ALLC: variants seen among roughly 807,000 people sequenced by gnomAD.
ALLC encodes the protein probable inactive allantoicase.
ALLC carries 40 observed loss-of-function variants against 45.0 expected under a neutral mutation model. The ratio of observed to expected loss-of-function variants is 0.89; its 90% CI spans 0.69 to 1.16. The LOEUF is 1.16. Among genes scored for constraint, ALLC ranks in the 50% most tolerant of loss-of-function variants. The pLI is 0.00. For synonymous variants in ALLC, 176 were observed against 178.1 expected, an observed-to-expected ratio of 0.99 and a Z score of 0.09; for missense variants, 488 against 493.1, an observed-to-expected ratio of 0.99 and a Z score of 0.10.
chr2:3,651,498 A>AG, the ALLC span, among the ~76,000 whole-genome samples: 1 of 150,640 alleles, frequency 6.6e-6, no homozygotes, highest in Non-Finnish European at 1.5e-5. Flanking sequence ...CGGGAGCAGG[A>AG]GGCAGAGGCC....
the ALLC span, among the ~76,000 whole-genome samples, chr2:3,651,345 G>GT: frequency 4.9e-4 from 1 of 2,042 alleles, no homozygotes; most frequent in Non-Finnish European, 1.4e-3. Context: ...GTGTGTGTGT[G>GT]TGTGTGTGTG....
intron 1 of ALLC, among the ~76,000 whole-genome samples, chr2:3,664,884 C>CAA (rs796912123): frequency 8.4e-4 from 108 of 128,738 alleles, no homozygotes; most frequent in African/African-American, 3.0e-3. Flanking sequence ...ACTCTGTCTC[C>CAA]AAAAAAAAAA....
intron 3 of ALLC, among the ~76,000 whole-genome samples, chr2:3,675,540 G>T (rs1386153733): frequency 3.3e-5 from 5 of 152,058 alleles, no homozygotes; most frequent in African/African-American, 1.2e-4. Flanking sequence ...GAAATGGGGT[G>T]GGAGAGAGGG....
chr2:3,679,913 C>T lies in ALLC; in HGVS notation c.217C>T (p.Arg73Trp), dbSNP rs199666164. The change falls in exon 5 of 12, where the codon CGG becomes TGG. Residue 73 changes from arginine to tryptophan, a missense_variant. Transcript: ENST00000252505. ...CAGGCTGGGGATCCAAGGAGTCATC[C>T]GGGGCTTCGACGTGGACGTTTCTTA... ...VLRLGIQGVI[R>W]GFDVDVSYFT... The T allele has an allele frequency of 7.6e-5, 123 of 1,613,826 alleles. No homozygotes were observed. In the African/African-American group the frequency reaches 1.2e-3, roughly 16 times the overall value.
chr2:3,685,796 T>C (rs1307192205), intron 7 of ALLC, among the ~76,000 whole-genome samples: 1 of 151,180 alleles, frequency 6.6e-6, no homozygotes, highest in East Asian at 2.0e-4. Flanking sequence ...TTGAGAAATA[T>C]CTATTCAGAA....
the ALLC span, among the ~76,000 whole-genome samples, chr2:3,648,511 T>G: frequency 2.3e-4 from 35 of 152,312 alleles, no homozygotes; most frequent in Non-Finnish European, 4.6e-4. Context: ...CCACCAGTCC[T>G]GGAGGTGCTG....
In ALLC at chr2:3,695,723, G is replaced by T. The variant is rs1457311514; in HGVS notation, c.518G>T (p.Gly173Val). Residue 173 changes from glycine to valine, a missense_variant, in exon 8 of 12, where the codon GGA becomes GTA. Transcript: ENST00000252505. Reference protein sequence around the residue: ...HIRLNIFPDGGIARLRVFGTG... With the variant: ...HIRLNIFPDGVIARLRVFGTG... ...AGGCACCTTTCCTTTTCAGATGGTG[G>T]AATTGCACGACTTAGAGTATTCGGT... The T allele has an allele frequency of 2.5e-6, 4 of 1,613,958 alleles. No homozygotes were observed. Among genetic ancestry groups the T allele is most frequent in the Non-Finnish European group, 8.5e-7 (1 of 1,179,872 alleles).
chr2:3,680,710 G>C lies in ALLC; in HGVS notation c.298+716G>C, dbSNP rs1667154656. ...TCAGGGCTCACATGCTGTAGGGAAA[G>C]GGTCTGCGTGCTCCAGCGGGACAAC... On this transcript the variant is annotated intron_variant, in intron 5 of 11. Transcript: ENST00000252505. The surrounding 1 kb of genome is among the most constrained non-coding windows in gnomAD (Gnocchi z 4.0). 1.3e-5 allele frequency among the ~76,000 whole-genome samples: 2 copies of C among 152,190 alleles called. No individual in the cohort carries two copies. Among genetic ancestry groups the C allele is most frequent in the African/African-American group, 4.8e-5 (2 of 41,444 alleles).
chr2:3,657,132 G>A (rs1666461661), upstream of ALLC, among the ~76,000 whole-genome samples: 1 of 152,190 alleles, frequency 6.6e-6, no homozygotes, highest in Non-Finnish European at 1.5e-5. Context: ...TGGGCAGACA[G>A]ATGTGTAAAC....
intron 4 of ALLC, among the ~76,000 whole-genome samples, chr2:3,678,812 G>A (rs1667096945): frequency 1.3e-5 from 2 of 152,176 alleles, no homozygotes; most frequent in Admixed American, 6.5e-5. Flanking sequence ...TGAGGTCTGC[G>A]GATGGAAAAA....
rs370770815 is a variant in ALLC, at chr2:3,669,881, G to A, written c.-62-1215G>A. Among the ~76,000 whole-genome samples the A allele has an allele frequency of 1.6e-4, 25 of 152,312 alleles. 1 individual carries two copies. In the East Asian group the frequency reaches 1.7e-3, roughly 11 times the overall value. On this transcript the variant is annotated intron_variant, in intron 1 of 11. Coordinates refer to ENST00000252505, the MANE Select transcript of ALLC (RefSeq NM_018436.4). ...TGTCGGCTTTGAGATTTGATTCAAC[G>A]TCCAAGGGGAGATGTTTTGAGTTGT...
intron 1 of ALLC, among the ~76,000 whole-genome samples, chr2:3,663,462 A>G (rs908545798): frequency 1.3e-5 from 2 of 152,134 alleles, no homozygotes; most frequent in East Asian, 3.8e-4. Flanking sequence ...AAGAATAGCT[A>G]ATGGGTGCTG....
intron 10 of ALLC, among the ~76,000 whole-genome samples, chr2:3,701,297 C>A (rs1667824472): frequency 6.6e-6 from 1 of 152,142 alleles, no homozygotes; most frequent in Non-Finnish European, 1.5e-5. Flanking sequence ...GCTTCTGAGT[C>A]CTCTGAAAAA....
chr2:3,681,710 T>A lies in ALLC; in HGVS notation c.375T>A (p.Ala125=). Residue 125 remains alanine (A), a synonymous_variant, in exon 6 of 12, where the codon GCT becomes GCA. Transcript: ENST00000252505. The part of the protein sequence containing the change: ...AATPEEFEAI[A]ELKSDDWSYL... Reference sequence around the variant, plus strand: ...CTCCTGAGGAGTTTGAAGCCATTGCTGAGGTACATCTCCCCCAAATGAATT... The same window carrying A: ...CTCCTGAGGAGTTTGAAGCCATTGCAGAGGTACATCTCCCCCAAATGAATT... 1 of 1,607,578 alleles carries A rather than the reference T, an allele frequency of 6.2e-7. No individual in the cohort carries two copies. Among genetic ancestry groups the A allele is most frequent in the African/African-American group, 1.3e-5 (1 of 74,876 alleles).
At chr2:3,702,287 T>C (rs1667872197) in intron 11 of ALLC, 76 bp from the exon 12 acceptor site, 2 of 1,315,212 alleles carry the variant, frequency 1.5e-6, no homozygotes, top group Non-Finnish European at 2.1e-6. Context: ...GCCAAAGGTT[T>C]GCCCGGGCCG....
the ALLC span, among the ~76,000 whole-genome samples, chr2:3,649,521 G>A: frequency 1.9e-3 from 297 of 152,340 alleles, no homozygotes; most frequent in Non-Finnish European, 3.4e-3. Flanking sequence ...GATTACAGGC[G>A]TGAGCCACCG....
chr2:3,664,175 C>T (rs758138892), intron 1 of ALLC, among the ~76,000 whole-genome samples: 4 of 152,152 alleles, frequency 2.6e-5, no homozygotes, highest in African/African-American at 4.8e-5. Context: ...GCAGAGCAAA[C>T]GGTGGCTGAA....
chr2:3,682,772 G>A (rs6714670), intron 6 of ALLC, among the ~76,000 whole-genome samples, 170 bp from the exon 7 acceptor site: 32,993 of 152,034 alleles, frequency 0.22, 4,141 homozygotes, highest in Middle Eastern at 0.32. Flanking sequence ...TGATCCGCCC[G>A]CCTCGGCCTC....
chr2:3,660,337 G>C (rs1666541412), intron 1 of ALLC, among the ~76,000 whole-genome samples: 1 of 152,116 alleles, frequency 6.6e-6, no homozygotes, highest in African/African-American at 2.4e-5. Flanking sequence ...TTTCTGTACC[G>C]CCTGCAGAAC....
Sources: allele counts gnomAD v4.1 joint callset (sites outside exome capture counted in the v4.1 genomes callset), GRCh38; gene constraint gnomAD v4.1.1; non-coding constraint Gnocchi (gnomAD v3.1); transcripts MANE v1.5; gene names NCBI Gene and HGNC (gene_info 2026-07-23, HGNC 2026-07-21).